Variants in NTM observed in about 807,000 individuals in gnomAD.
The protein encoded by NTM is IgLON family member 2.
A neutral mutation model predicts 42.1 loss-of-function variants in NTM; 13 were observed. The observed-to-expected ratio is 0.31, with a 90% CI of 0.20 to 0.49. NTM has a LOEUF of 0.49. NTM is among the 20% of genes least tolerant of loss of function. The pLI is 0.99. For missense variants in NTM, 373 were observed against 452.8 expected, an observed-to-expected ratio of 0.82 and a Z score of 1.60; for synonymous variants, 187 against 179.2, an observed-to-expected ratio of 1.04 and a Z score of -0.35.
chr11:132,314,963 A>G, intron 7 of NTM: 2 of 1,201,384 alleles, frequency 1.7e-6, no homozygotes, highest in Non-Finnish European at 2.1e-6. Flanking sequence ...ACATGTATAA[A>G]AGTAGATCTC....
intron 4 of NTM, among the ~76,000 whole-genome samples, chr11:132,234,048 C>T (rs1288519916): frequency 1.3e-5 from 2 of 152,194 alleles, no homozygotes; most frequent in South Asian, 2.1e-4. Context: ...CCTGACTAGT[C>T]ATCTCTGCCT....
intron 1 of NTM, among the ~76,000 whole-genome samples, chr11:131,569,215 G>T (rs1008445105): frequency 6.6e-6 from 1 of 151,272 alleles, no homozygotes; most frequent in Admixed American, 6.6e-5. Flanking sequence ...CACAATCTTG[G>T]CTCACTGCAA....
chr11:132,166,898 T>TTGTCA, intron 3 of NTM, among the ~76,000 whole-genome samples: 1 of 152,288 alleles, frequency 6.6e-6, no homozygotes, highest in African/African-American at 2.4e-5. Context: ...GAGAGGACCG[T>TTGTCA]TGTCATCTGT....
At chr11:131,751,331 G>T (rs549566703) in intron 1 of NTM, among the ~76,000 whole-genome samples, 1 of 151,830 alleles carries the variant, frequency 6.6e-6, no homozygotes, top group East Asian at 2.0e-4. Context: ...TCACGCCACC[G>T]TGTAATCCCA....
intron 7 of NTM, among the ~76,000 whole-genome samples, chr11:132,325,287 T>A (rs1417161870): frequency 3.3e-5 from 5 of 150,380 alleles, no homozygotes; most frequent in Non-Finnish European, 6.0e-5. Flanking sequence ...AAAGGGCTAA[T>A]ATCCAGAATC....
intron 1 of NTM, among the ~76,000 whole-genome samples, chr11:131,716,278 A>G (rs2077680593): frequency 6.6e-6 from 1 of 152,144 alleles, no homozygotes; most frequent in Non-Finnish European, 1.5e-5. Flanking sequence ...CCTACCTTCT[A>G]ATACCATCAC....
At chr11:131,649,745 G>T (rs1374940343) in intron 1 of NTM, among the ~76,000 whole-genome samples, 1 of 152,162 alleles carries the variant, frequency 6.6e-6, no homozygotes, top group African/African-American at 2.4e-5. Flanking sequence ...TAGGTGAAAG[G>T]GAAGTGGATG....
chr11:132,281,258 T>A (rs577398726), intron 4 of NTM, among the ~76,000 whole-genome samples: 1 of 152,300 alleles, frequency 6.6e-6, no homozygotes, highest in East Asian at 1.9e-4. Flanking sequence ...CACCAATTAG[T>A]GGAGCATAAT....
chr11:132,174,815 T>G (rs1264569906), intron 3 of NTM, among the ~76,000 whole-genome samples: 3 of 152,120 alleles, frequency 2.0e-5, no homozygotes, highest in Non-Finnish European at 2.9e-5. Flanking sequence ...GTTCATTACT[T>G]TTTGAAATGC....
intron 1 of NTM, among the ~76,000 whole-genome samples, chr11:131,405,554 G>A (rs1052217946): frequency 7.9e-5 from 12 of 151,888 alleles, no homozygotes; most frequent in South Asian, 4.2e-4. Context: ...TCACGTTTGC[G>A]CCAATACCTT....
intron 8 of NTM, chr11:132,332,184 T>C (rs755582389): frequency 6.6e-6 from 1 of 152,338 alleles, no homozygotes; most frequent in East Asian, 1.9e-4. Context: ...AGTATCTCCT[T>C]TGGGAGGATG....
At chr11:131,921,773 A>G (rs2057259611) in intron 2 of NTM, among the ~76,000 whole-genome samples, 1 of 151,958 alleles carries the variant, frequency 6.6e-6, no homozygotes, top group Non-Finnish European at 1.5e-5. Flanking sequence ...TACAAATCCT[A>G]AAGAAGCCAA....
intron 2 of NTM, among the ~76,000 whole-genome samples, chr11:132,054,875 A>T (rs936082974): frequency 1.8e-4 from 27 of 152,172 alleles, no homozygotes; most frequent in African/African-American, 6.5e-4. Flanking sequence ...GAGATGGAGG[A>T]CATGGAAAAT....
chr11:131,831,602 C>A (rs2042829234), intron 1 of NTM, among the ~76,000 whole-genome samples: 1 of 152,178 alleles, frequency 6.6e-6, no homozygotes, highest in Admixed American at 6.5e-5. Context: ...CTGCTTAAAA[C>A]TTCCCAGTCC....
At chr11:132,052,375 A>G (rs2078973974) in intron 2 of NTM, among the ~76,000 whole-genome samples, 2 of 152,090 alleles carry the variant, frequency 1.3e-5, no homozygotes, top group Non-Finnish European at 2.9e-5. Flanking sequence ...CCCCTTAGAC[A>G]GTGATGTTTG....
At chr11:131,462,012 G>C (rs1478870770) in intron 1 of NTM, among the ~76,000 whole-genome samples, 1 of 151,930 alleles carries the variant, frequency 6.6e-6, no homozygotes, top group African/African-American at 2.4e-5. Context: ...TCAAAAACTG[G>C]AAACAACCCA....
At chr11:131,653,831 T>C (rs1278413168) in intron 1 of NTM, among the ~76,000 whole-genome samples, 1 of 152,220 alleles carries the variant, frequency 6.6e-6, no homozygotes, top group East Asian at 1.9e-4. Flanking sequence ...ACATTGGTGA[T>C]AATTGGGCTG....
At chr11:131,544,517 T>A (rs186088971) in intron 1 of NTM, among the ~76,000 whole-genome samples, 1 of 150,734 alleles carries the variant, frequency 6.6e-6, no homozygotes, top group Admixed American at 6.6e-5. Flanking sequence ...TCCCTAGATA[T>A]TTTTTTTTTC....
intron 1 of NTM, among the ~76,000 whole-genome samples, chr11:131,731,395 T>C (rs2079669412): frequency 6.6e-6 from 1 of 152,222 alleles, no homozygotes; most frequent in African/African-American, 2.4e-5. Context: ...GATCTTCCAC[T>C]TGTGAGTGAG....
Sources: allele counts gnomAD v4.1 joint callset (sites outside exome capture counted in the v4.1 genomes callset), GRCh38; gene constraint gnomAD v4.1.1; transcripts MANE v1.5; gene names NCBI Gene and HGNC (gene_info 2026-07-23, HGNC 2026-07-21).